Variants in PRKCB observed in about 807,000 individuals in gnomAD.
PRKCB encodes the protein protein kinase C beta type.
In PRKCB, 13 loss-of-function variants were observed where a neutral mutation model predicts 81.5. That is an observed-to-expected ratio of 0.16 (90% CI 0.10 to 0.25). The LOEUF is 0.25. Ranked by LOEUF, PRKCB falls within the 10% of genes least tolerant of loss-of-function variation. PRKCB has a pLI of 1.00. For missense variants in PRKCB, 509 were observed against 875.7 expected (o/e 0.58, Z 5.29); for synonymous variants, 335 against 321.4 (o/e 1.04, Z -0.45).
intron 5 of PRKCB, among the ~76,000 whole-genome samples, chr16:24,068,911 C>T (rs9924143): frequency 0.016 from 2,496 of 152,280 alleles, 70 homozygotes; most frequent in African/African-American, 0.056. Context: ...GGTTGCTAAG[C>T]ATTCTGCTAG....
At chr16:24,007,050 T>C (rs550184519) in intron 3 of PRKCB, among the ~76,000 whole-genome samples, 14 of 152,328 alleles carry the variant, frequency 9.2e-5, no homozygotes, top group African/African-American at 3.4e-4. Flanking sequence ...AGGCAATATG[T>C]ATAAAAGCTC....
chr16:24,170,085 T>C (rs2141964579), intron 10 of PRKCB, among the ~76,000 whole-genome samples: 1 of 152,326 alleles, frequency 6.6e-6, no homozygotes, highest in East Asian at 1.9e-4. Context: ...CCCGGCTATC[T>C]TTTAATATTC....
chr16:23,854,702 A>G (rs1962533087), intron 2 of PRKCB, among the ~76,000 whole-genome samples: 1 of 152,194 alleles, frequency 6.6e-6, no homozygotes, highest in Non-Finnish European at 1.5e-5. Flanking sequence ...CCCCAGAAGT[A>G]AAGGAGGAAA....
At chr16:24,060,306 G>A (rs1965956742) in intron 5 of PRKCB, among the ~76,000 whole-genome samples, 1 of 152,142 alleles carries the variant, frequency 6.6e-6, no homozygotes, top group South Asian at 2.1e-4. Context: ...GATGAAACAA[G>A]AATGTCTCTC....
intron 16 of PRKCB, among the ~76,000 whole-genome samples, chr16:24,197,720 GCTGTTTGAGAACC>G (rs1229716328): frequency 6.6e-6 from 1 of 152,104 alleles, no homozygotes; most frequent in Non-Finnish European, 1.5e-5. Context: ...GCAGGTTGGG[GCTGTTTGAGAACC>G]CCCAAGTTGG....
chr16:24,009,685 T>C (rs1350347392), intron 3 of PRKCB, among the ~76,000 whole-genome samples: 1 of 151,894 alleles, frequency 6.6e-6, no homozygotes, highest in Non-Finnish European at 1.5e-5. Context: ...TTGCAGATAC[T>C]ATGGAAAACA....
At chr16:23,902,331 TAC>T (rs891985700) in intron 2 of PRKCB, among the ~76,000 whole-genome samples, 7 of 152,326 alleles carry the variant, frequency 4.6e-5, no homozygotes, top group African/African-American at 1.7e-4. Context: ...GCAAAACATT[TAC>T]AGAGAGTTCC....
At chr16:24,110,666 G>A (rs1327805300) in intron 7 of PRKCB, among the ~76,000 whole-genome samples, 2 of 151,806 alleles carry the variant, frequency 1.3e-5, no homozygotes, top group Non-Finnish European at 2.9e-5. Context: ...ACTGGCATGC[G>A]CCACCATACC....
intron 2 of PRKCB, among the ~76,000 whole-genome samples, chr16:23,894,521 T>C (rs941968839): frequency 2.0e-5 from 3 of 152,044 alleles, no homozygotes; most frequent in African/African-American, 7.2e-5. Context: ...CCCCAGAAAA[T>C]AATATTATTG....
intron 9 of PRKCB, among the ~76,000 whole-genome samples, 157 bp from the exon 10 acceptor site, chr16:24,154,527 T>C (rs946680388): frequency 2.6e-5 from 4 of 152,064 alleles, no homozygotes; most frequent in Admixed American, 2.6e-4. Context: ...TCTGAAAATA[T>C]AAAAGTGTGA....
At chr16:24,110,203 A>G (rs1340459762) in intron 7 of PRKCB, among the ~76,000 whole-genome samples, 2 of 145,610 alleles carry the variant, frequency 1.4e-5, no homozygotes, top group East Asian at 4.0e-4. Flanking sequence ...AGCGTCCCCA[A>G]TCTTTTAAGT....
At chr16:24,047,613 T>G (rs956262167) in intron 5 of PRKCB, among the ~76,000 whole-genome samples, 1 of 152,046 alleles carries the variant, frequency 6.6e-6, no homozygotes, top group Non-Finnish European at 1.5e-5. Context: ...ATTTGTACCC[T>G]GGGTCCATCT....
chr16:24,173,167 C>A (rs1967470790), intron 11 of PRKCB, among the ~76,000 whole-genome samples: 1 of 152,006 alleles, frequency 6.6e-6, no homozygotes, highest in African/African-American at 2.4e-5. Context: ...GTCTGTGGTT[C>A]CTGTGATGGG....
At chr16:23,969,549 G>A (rs1336296372) in intron 2 of PRKCB, among the ~76,000 whole-genome samples, 1 of 152,162 alleles carries the variant, frequency 6.6e-6, no homozygotes, top group Admixed American at 6.5e-5. Flanking sequence ...GAGGATGTTA[G>A]TAGTTTCTAC....
intron 9 of PRKCB, among the ~76,000 whole-genome samples, chr16:24,144,320 G>T (rs996135951): frequency 2.1e-4 from 32 of 152,090 alleles, no homozygotes; most frequent in Non-Finnish European, 3.8e-4. Context: ...TTGAGACCGA[G>T]TCTCACTCTG....
At chr16:24,179,378 C>T (rs928008734) in intron 12 of PRKCB, among the ~76,000 whole-genome samples, 3 of 152,174 alleles carry the variant, frequency 2.0e-5, no homozygotes, top group African/African-American at 7.2e-5. Context: ...TAGACAGAAC[C>T]ACAGATGCCC....
At chr16:24,081,476 C>T (rs1015720710) in intron 5 of PRKCB, among the ~76,000 whole-genome samples, 9 of 152,266 alleles carry the variant, frequency 5.9e-5, no homozygotes, top group African/African-American at 2.2e-4. Context: ...TGAAAAACTG[C>T]ATGCTTTCTC....
chr16:24,168,714 C>CT lies in PRKCB; in HGVS notation c.1240-3555dup, dbSNP rs1323903107. ...TACAGGTGCTCACCACCATGCCTGG[C>CT]TATTTTTTTTTTTTTTTTTTTTTTG... On this transcript the variant is annotated intron_variant, in intron 10 of 16. Coordinates refer to ENST00000643927, the MANE Select transcript of PRKCB (RefSeq NM_002738.7). Among the ~76,000 whole-genome samples the CT allele has an allele frequency of 8.1e-3, 973 of 120,750 alleles. 61 individuals carry two copies. Among genetic ancestry groups the CT allele is most frequent in the East Asian group, 0.033 (133 of 4,028 alleles). 79.2% of individuals were successfully genotyped at this position (120,750 alleles called of 152,430 possible).
rs1965820311 is a variant in PRKCB at position 24,049,897 on chromosome 16, G to A, written c.529+14350G>A. 1.3e-5 allele frequency among the ~76,000 whole-genome samples: 2 copies of A among 152,132 alleles called. 1 individual carries two copies. The highest frequency in any genetic ancestry group is 4.1e-4 in the South Asian group (2 of 4,832). ...GTCACTATAAGCATCATGGAATAAG[G>A]GATTTACTGTACACGTTAGACCTTA... On this transcript the variant is annotated intron_variant, in intron 5 of 16. Transcript: ENST00000643927.
Sources: gnomAD v4.1 joint callset for allele counts (sites outside exome capture counted in the v4.1 genomes callset) on GRCh38, gnomAD v4.1.1 for gene constraint, MANE v1.5 for transcripts, NCBI Gene and HGNC (gene_info 2026-07-23, HGNC 2026-07-21) for gene names.